CACNB2: variants seen among roughly 807,000 people sequenced by gnomAD.
CACNB2 encodes calcium voltage-gated channel auxiliary subunit beta 2.
A neutral mutation model predicts 73.3 loss-of-function variants in CACNB2; 42 were observed. The ratio of observed to expected loss-of-function variants is 0.57; its 90% CI spans 0.45 to 0.74. The LOEUF (loss-of-function observed/expected upper bound fraction) is 0.74. Among genes scored for constraint, CACNB2 ranks in the 30% least tolerant of loss-of-function variants. The pLI is 0.00. For synonymous variants in CACNB2, 348 were observed against 310.3 expected (o/e 1.12, Z -1.28); for missense variants, 940 against 853.0 (o/e 1.10, Z -1.27).
At chr10:18,196,442 G>A (rs974026114) in intron 2 of CACNB2, among the ~76,000 whole-genome samples, 12 of 151,794 alleles carry the variant, frequency 7.9e-5, no homozygotes, top group Admixed American at 1.3e-4. Context: ...TCAGCCTCCC[G>A]AGTAGCTGGG....
At chr10:18,215,024 A>C (rs1250148544) in intron 2 of CACNB2, among the ~76,000 whole-genome samples, 1 of 152,216 alleles carries the variant, frequency 6.6e-6, no homozygotes, top group Non-Finnish European at 1.5e-5. Context: ...TTGGCTAAAA[A>C]TCATTGGGTC....
chr10:18,208,375 T>G (rs948876307), intron 2 of CACNB2, among the ~76,000 whole-genome samples: 1 of 152,054 alleles, frequency 6.6e-6, no homozygotes. Context: ...ACACTTGGCA[T>G]GCTAAGGTGG....
At chr10:18,219,779 T>G (rs992433284) in intron 2 of CACNB2, among the ~76,000 whole-genome samples, 2 of 151,522 alleles carry the variant, frequency 1.3e-5, no homozygotes, top group African/African-American at 4.8e-5. Context: ...TTCATTTTTT[T>G]TTTTTTTTGA....
intron 3 of CACNB2, among the ~76,000 whole-genome samples, chr10:18,406,802 A>G (rs2044311678): frequency 6.6e-6 from 1 of 152,188 alleles, no homozygotes; most frequent in African/African-American, 2.4e-5. Flanking sequence ...GGTGCCAAAA[A>G]GGTGGAGGAC....
intron 2 of CACNB2, among the ~76,000 whole-genome samples, chr10:18,310,656 A>C (rs113729525): frequency 0.15 from 22,292 of 147,438 alleles, 1,668 homozygotes; most frequent in South Asian, 0.19. Context: ...ATTATAAAGA[A>C]AAGAAACCCA....
chr10:18,530,597 G>A (rs2052916162), intron 10 of CACNB2, among the ~76,000 whole-genome samples: 1 of 151,462 alleles, frequency 6.6e-6, no homozygotes, highest in African/African-American at 2.4e-5. Context: ...AGTATATCAT[G>A]TAATGTATTG....
intron 2 of CACNB2, among the ~76,000 whole-genome samples, chr10:18,313,488 G>A (rs2489214): frequency 0.72 from 109,069 of 151,472 alleles, 40,214 homozygotes; most frequent in African/African-American, 0.84. Context: ...CAATTGCTGT[G>A]TATTTTTTTA....
At chr10:18,445,598 C>G (rs1023359428) in intron 3 of CACNB2, among the ~76,000 whole-genome samples, 3 of 151,982 alleles carry the variant, frequency 2.0e-5, no homozygotes, top group Non-Finnish European at 4.4e-5. Flanking sequence ...TAAATATGAA[C>G]GAGAGAGACC....
chr10:18,229,405 A>G (rs188869773), intron 2 of CACNB2, among the ~76,000 whole-genome samples: 3 of 152,322 alleles, frequency 2.0e-5, no homozygotes, highest in Admixed American at 1.3e-4. Flanking sequence ...TAGACCACAG[A>G]TATGTACCCA....
chr10:18,516,886 T>C (rs1221616118), intron 7 of CACNB2, among the ~76,000 whole-genome samples: 1 of 152,164 alleles, frequency 6.6e-6, no homozygotes, highest in Admixed American at 6.5e-5. Flanking sequence ...GAATGCTAGG[T>C]GAAATTTTAG....
chr10:18,153,980 T>A (rs931460102), intron 2 of CACNB2, among the ~76,000 whole-genome samples: 1 of 151,536 alleles, frequency 6.6e-6, no homozygotes. Flanking sequence ...TCGACACATA[T>A]TGCGTACTTG....
intron 2 of CACNB2, among the ~76,000 whole-genome samples, chr10:18,361,599 C>T (rs1377013305): frequency 1.4e-5 from 2 of 147,194 alleles, no homozygotes; most frequent in African/African-American, 5.0e-5. Flanking sequence ...GTTATCCTGT[C>T]TAAGGTAAAA....
At chr10:18,365,824 A>G (rs2042322604) in intron 2 of CACNB2, among the ~76,000 whole-genome samples, 2 of 152,212 alleles carry the variant, frequency 1.3e-5, no homozygotes, top group African/African-American at 2.4e-5. Flanking sequence ...ACTTTCTCAC[A>G]CAAATTATTC....
chr10:18,343,087 A>C (rs1564452232), intron 2 of CACNB2, among the ~76,000 whole-genome samples: 1 of 152,192 alleles, frequency 6.6e-6, no homozygotes, highest in Non-Finnish European at 1.5e-5. Flanking sequence ...ATTTGGTGTA[A>C]TTACTTTCTA....
intron 2 of CACNB2, among the ~76,000 whole-genome samples, chr10:18,322,756 C>G (rs180756920): frequency 2.0e-5 from 3 of 152,006 alleles, no homozygotes; most frequent in African/African-American, 7.3e-5. Context: ...GCGTTAGAGA[C>G]CACAGCTGGC....
chr10:18,227,490 C>T (rs1195423585), intron 2 of CACNB2, among the ~76,000 whole-genome samples: 1 of 152,178 alleles, frequency 6.6e-6, no homozygotes, highest in Non-Finnish European at 1.5e-5. Flanking sequence ...AACGTTATTT[C>T]AATTCAGTAG....
chr10:18,518,529 G>A, intron 8 of CACNB2, 113 bp downstream of exon 8: 5 of 786,742 alleles, frequency 6.4e-6, no homozygotes, highest in Non-Finnish European at 6.8e-6. Flanking sequence ...GCCAACTTTA[G>A]AGCTTAGAGA....
At chr10:18,410,439 A>G (rs1001621838) in intron 3 of CACNB2, among the ~76,000 whole-genome samples, 3 of 152,194 alleles carry the variant, frequency 2.0e-5, no homozygotes, top group Non-Finnish European at 4.4e-5. Context: ...AATTCCCCTA[A>G]CTAGCCTTTG....
At chr10:18,359,477 T>G (rs756095694) in intron 2 of CACNB2, among the ~76,000 whole-genome samples, 1 of 152,170 alleles carries the variant, frequency 6.6e-6, no homozygotes, top group Non-Finnish European at 1.5e-5. Flanking sequence ...TTTTATCATG[T>G]TGGCCAGGCT....
Sources: allele counts gnomAD v4.1 joint callset (sites outside exome capture counted in the v4.1 genomes callset), GRCh38; gene constraint gnomAD v4.1.1; transcripts MANE v1.5; gene names NCBI Gene and HGNC (gene_info 2026-07-23, HGNC 2026-07-21).